The following PEAK1 variants were observed in gnomAD, a reference collection of about 807,000 sequenced individuals.
The protein encoded by PEAK1 is inactive tyrosine-protein kinase PEAK1.
In PEAK1, 54 loss-of-function variants were observed where a neutral mutation model predicts 124.7. The observed-to-expected ratio is 0.43, with a 90% CI of 0.35 to 0.54. The LOEUF (loss-of-function observed/expected upper bound fraction) is 0.54. Among genes scored for constraint, PEAK1 ranks in the 20% least tolerant of loss-of-function variants. PEAK1 has a pLI of 0.01. For missense variants in PEAK1, 2,046 were observed against 2,134.5 expected, an observed-to-expected ratio of 0.96 and a Z score of 0.82; for synonymous variants, 719 against 760.0, an observed-to-expected ratio of 0.95 and a Z score of 0.89.
chr15:77,314,676 A>T (rs2153007370), intron 2 of PEAK1, among the ~76,000 whole-genome samples: 1 of 152,140 alleles, frequency 6.6e-6, no homozygotes, highest in South Asian at 2.1e-4. Context: ...CCTAAAACGA[A>T]TTTTCTAGAT....
chr15:77,233,171 A>G (rs534197977), intron 6 of PEAK1, among the ~76,000 whole-genome samples: 2 of 152,288 alleles, frequency 1.3e-5, no homozygotes, highest in Admixed American at 1.3e-4. Context: ...GTTTCCCTCT[A>G]AGTACCACTG....
intron 1 of PEAK1, chr15:77,419,603 C>T (rs918363525): frequency 3.6e-5 from 35 of 985,028 alleles, no homozygotes; most frequent in Middle Eastern, 1.0e-3. Context: ...GCCCCTCCTG[C>T]CCCGGCCTCC....
intron 6 of PEAK1, among the ~76,000 whole-genome samples, chr15:77,201,523 C>A (rs564911153): frequency 2.0e-5 from 3 of 152,186 alleles, no homozygotes; most frequent in African/African-American, 7.2e-5. Flanking sequence ...CAGGCATGAG[C>A]CACTGCGCCT....
chr15:77,110,835 G>C lies in PEAK1; in HGVS notation c.*3321C>G, dbSNP rs1396938212. On this transcript the variant is annotated 3_prime_UTR_variant, in exon 10 of 10. Coordinates refer to ENST00000682557, the MANE Select transcript of PEAK1 (RefSeq NM_001385026.1). ...GTTATTCTTCATGAATTGGCTTCTAGGCAACCCAGTAGTGTACATATACCA... is the reference window on the plus strand; with the variant it reads ...GTTATTCTTCATGAATTGGCTTCTACGCAACCCAGTAGTGTACATATACCA... 6.6e-6 allele frequency: 1 copy of C among 152,152 alleles called. No homozygotes were observed. Among genetic ancestry groups the C allele is most frequent in the Non-Finnish European group, 1.5e-5 (1 of 68,048 alleles). 9.4% of individuals were successfully genotyped at this position (152,152 alleles called of 1,614,324 possible). A position where few individuals can be genotyped will look rare whatever the true frequency, so the allele number is the denominator to read the frequency against.
At chr15:77,129,194 G>A (rs901441579) in intron 9 of PEAK1, among the ~76,000 whole-genome samples, 3 of 152,212 alleles carry the variant, frequency 2.0e-5, no homozygotes, top group African/African-American at 4.8e-5. Context: ...AAGGTGGCTG[G>A]CTGTAAGCCA....
chr15:77,397,925 C>T (rs2071033192), intron 1 of PEAK1, among the ~76,000 whole-genome samples: 2 of 152,088 alleles, frequency 1.3e-5, no homozygotes, highest in South Asian at 4.2e-4. Context: ...ATTAGCCAGG[C>T]ATGGTGGCGC....
intron 8 of PEAK1, among the ~76,000 whole-genome samples, chr15:77,150,686 C>G (rs778427676): frequency 7.1e-6 from 1 of 140,182 alleles, no homozygotes; most frequent in Admixed American, 7.4e-5. Flanking sequence ...CAACATTCCC[C>G]GGAGTGTGAT....
At position 77,264,470 on chromosome 15, in the gene PEAK1, A is replaced by G. The variant is rs575774247; in HGVS notation, c.-274-11944T>C. ...TCTTATACACCAATAACAGACAAAC[A>G]GAGAGCCAAATCATGAGTGAACTCC... On this transcript the variant is annotated intron_variant, in intron 5 of 9. Transcript: ENST00000682557. 2.5e-4 allele frequency among the ~76,000 whole-genome samples: 38 copies of G among 152,346 alleles called. 1 individual carries two copies. The East Asian group carries it at 6.0e-3, about 24-fold the overall frequency.
intron 6 of PEAK1, among the ~76,000 whole-genome samples, chr15:77,188,824 G>C (rs1042678373): frequency 6.6e-6 from 1 of 152,006 alleles, no homozygotes; most frequent in Non-Finnish European, 1.5e-5. Flanking sequence ...GAATACATTG[G>C]ATACTAAATA....
rs1232777330 is a variant in PEAK1, at chr15:77,152,673, C to A, written c.3331+5830G>T. ...TTTGAGATTTGTCCCATCAATACCT[C>A]ATTTATTGAGAGTTTTTAGCATGAA... is the stretch of plus-strand genomic sequence containing the variant. On this transcript the variant is annotated intron_variant, in intron 8 of 9. Transcript: ENST00000682557. Among the ~76,000 whole-genome samples the A allele has an allele frequency of 4.6e-5, 7 of 152,196 alleles. 1 individual carries two copies. Among genetic ancestry groups the A allele is most frequent in the East Asian group, 3.9e-4 (2 of 5,178 alleles).
intron 5 of PEAK1, among the ~76,000 whole-genome samples, chr15:77,262,001 G>A (rs1273965750): frequency 6.6e-6 from 1 of 152,052 alleles, no homozygotes; most frequent in Non-Finnish European, 1.5e-5. Flanking sequence ...TTCATATCCA[G>A]CCAAACTAAG....
intron 7 of PEAK1, 164 bp downstream of exon 7, chr15:77,178,626 T>A: frequency 1.4e-6 from 1 of 737,560 alleles, no homozygotes; most frequent in Non-Finnish European, 2.2e-6. Context: ...AAGATCACTT[T>A]AATACTATTC....
rs571434744 is a variant in PEAK1 at position 77,256,714 on chromosome 15, C to T, written c.-274-4188G>A. Among the ~76,000 whole-genome samples the T allele has an allele frequency of 2.3e-3, 350 of 151,612 alleles. 1 individual carries two copies. Among genetic ancestry groups the T allele is most frequent in the African/African-American group, 7.8e-3 (325 of 41,408 alleles). On this transcript the variant is annotated intron_variant, in intron 5 of 9. Transcript: ENST00000682557. ...TCATTTGTTTATATATTGTCTATGGCTAATTTTTTTTAAATTTTATTATTA... is the reference window on the plus strand; with the variant it reads ...TCATTTGTTTATATATTGTCTATGGTTAATTTTTTTTAAATTTTATTATTA...
At position 77,118,593 on chromosome 15, in the gene PEAK1, C is replaced by T. The variant is rs149123601; in HGVS notation, c.4078-3274G>A. 3.3e-5 allele frequency among the ~76,000 whole-genome samples: 5 copies of T among 152,276 alleles called. No individual in the cohort carries two copies. The East Asian group carries it at 9.6e-4, about 29-fold the overall frequency. On this transcript the variant is annotated intron_variant, in intron 9 of 9. Transcript: ENST00000682557. ...CTACCAGGGATTAAAGTAACTTCTT[C>T]TTGGCTCTCATTATCTTTCTTGAAA...
At chr15:77,283,692 T>G (rs148615030) in intron 5 of PEAK1, 191 bp downstream of exon 5, 153 of 161,710 alleles carry the variant, frequency 9.5e-4, no homozygotes, top group Non-Finnish European at 1.2e-3. Flanking sequence ...AACTGAAATT[T>G]TCCTTAGCTC....
chr15:77,219,980 A>C (rs2059312893), intron 6 of PEAK1, among the ~76,000 whole-genome samples: 1 of 152,154 alleles, frequency 6.6e-6, no homozygotes, highest in Admixed American at 6.6e-5. Flanking sequence ...TTTTAAATAC[A>C]TATTGAGAAG....
chr15:77,171,749 C>T (rs1335892317), intron 7 of PEAK1, among the ~76,000 whole-genome samples: 1 of 152,090 alleles, frequency 6.6e-6, no homozygotes, highest in Non-Finnish European at 1.5e-5. Context: ...CCCTGATCTG[C>T]TCACTTTACA....
At chr15:77,232,034 C>T (rs1190627917) in intron 6 of PEAK1, among the ~76,000 whole-genome samples, 1 of 152,176 alleles carries the variant, frequency 6.6e-6, no homozygotes, top group African/African-American at 2.4e-5. Flanking sequence ...GAGTGGCCCA[C>T]AGCCCACAGG....
chr15:77,278,794 A>AT (rs1377042040), intron 5 of PEAK1: 1 of 275,420 alleles, frequency 3.6e-6, no homozygotes. Flanking sequence ...TTGAAATACT[A>AT]TTTTTATCAA....
Sources: gnomAD v4.1 joint callset for allele counts (sites outside exome capture counted in the v4.1 genomes callset) on GRCh38, gnomAD v4.1.1 for gene constraint, MANE v1.5 for transcripts, NCBI Gene and HGNC (gene_info 2026-07-23, HGNC 2026-07-21) for gene names.